RARB: variants seen among roughly 807,000 people sequenced by gnomAD.
The protein encoded by RARB is HBV-activated protein.
A neutral mutation model predicts 51.9 loss-of-function variants in RARB; 17 were observed. The observed-to-expected ratio is 0.33, with a 90% CI of 0.22 to 0.49. The LOEUF (loss-of-function observed/expected upper bound fraction) is 0.49, where lower values mean the gene tolerates loss of function less well. Ranked by LOEUF, RARB falls within the 20% of genes least tolerant of loss-of-function variation. The pLI is 0.99. For missense variants in RARB, 369 were observed against 550.8 expected, an observed-to-expected ratio of 0.67 and a Z score of 3.30; for synonymous variants, 215 against 195.4, an observed-to-expected ratio of 1.10 and a Z score of -0.84.
intron 5 of RARB, among the ~76,000 whole-genome samples, chr3:25,584,684 CCTT>C (rs1268281592): frequency 3.9e-5 from 6 of 152,136 alleles, no homozygotes; most frequent in Non-Finnish European, 4.4e-5. Flanking sequence ...CACAGATTCT[CCTT>C]CTTGGTATCC....
chr3:24,865,802 G>A (rs1417806591), intron 2 of RARB, among the ~76,000 whole-genome samples: 1 of 152,158 alleles, frequency 6.6e-6, no homozygotes, highest in African/African-American at 2.4e-5. Context: ...CAGCATGAAT[G>A]GGTGTTGATT....
chr3:24,844,802 A>G (rs1702466118), intron 1 of RARB, among the ~76,000 whole-genome samples: 1 of 152,120 alleles, frequency 6.6e-6, no homozygotes, highest in South Asian at 2.1e-4. Flanking sequence ...TTCCCCAGGG[A>G]GTTAGCACTC....
intron 5 of RARB, among the ~76,000 whole-genome samples, chr3:25,250,767 G>A (rs915032073): frequency 3.9e-5 from 6 of 152,154 alleles, no homozygotes; most frequent in Non-Finnish European, 7.4e-5. Context: ...ATGGAATCCA[G>A]TGTGAATTCC....
At chr3:25,405,276 T>C (rs1170180570) in intron 5 of RARB, among the ~76,000 whole-genome samples, 1 of 152,206 alleles carries the variant, frequency 6.6e-6, no homozygotes, top group East Asian at 1.9e-4. Flanking sequence ...CCCAGCACTT[T>C]GGGAGGCTGT....
chr3:24,858,520 G>C (rs1413801645), intron 1 of RARB, among the ~76,000 whole-genome samples: 1 of 152,204 alleles, frequency 6.6e-6, no homozygotes, highest in African/African-American at 2.4e-5. Context: ...TTTAGCAAAA[G>C]AACTTGGTAG....
At chr3:25,277,007 T>C (rs536511525) in intron 5 of RARB, among the ~76,000 whole-genome samples, 7 of 152,196 alleles carry the variant, frequency 4.6e-5, no homozygotes, top group Admixed American at 4.6e-4. Context: ...GATAGATGAA[T>C]GAATACTTGG....
At chr3:24,840,188 C>T (rs1702402138) in intron 1 of RARB, among the ~76,000 whole-genome samples, 1 of 152,172 alleles carries the variant, frequency 6.6e-6, no homozygotes, top group Non-Finnish European at 1.5e-5. Context: ...TGCTATGGTT[C>T]TTGTAACAAG....
intron 2 of RARB, among the ~76,000 whole-genome samples, chr3:24,907,542 G>A (rs187575676): frequency 4.6e-5 from 7 of 152,252 alleles, no homozygotes; most frequent in South Asian, 4.1e-4. Flanking sequence ...AAAGCATCCC[G>A]TGGATTTAGT....
At chr3:24,902,371 T>G (rs1239281308) in intron 2 of RARB, among the ~76,000 whole-genome samples, 1 of 152,126 alleles carries the variant, frequency 6.6e-6, no homozygotes. Flanking sequence ...ACCGTCAGAG[T>G]GATTTCACAT....
At chr3:25,149,918 C>G (rs1018179298) in intron 4 of RARB, among the ~76,000 whole-genome samples, 6 of 151,928 alleles carry the variant, frequency 3.9e-5, no homozygotes, top group Non-Finnish European at 5.9e-5. Context: ...TCTTAAATAT[C>G]TGGTCAGGCA....
intron 5 of RARB, among the ~76,000 whole-genome samples, chr3:25,184,573 G>T (rs915588574): frequency 4.6e-5 from 7 of 152,024 alleles, no homozygotes; most frequent in Non-Finnish European, 8.8e-5. Flanking sequence ...GAGAGAGGTG[G>T]CTGCTTCCAG....
intron 2 of RARB, among the ~76,000 whole-genome samples, chr3:24,953,973 A>G (rs1695954392): frequency 6.6e-6 from 1 of 151,972 alleles, no homozygotes; most frequent in Non-Finnish European, 1.5e-5. Context: ...TTCTTTTCTG[A>G]GCGCTCAGAT....
intron 3 of RARB, among the ~76,000 whole-genome samples, chr3:25,116,037 A>C (rs1699682154): frequency 6.6e-6 from 1 of 152,204 alleles, no homozygotes; most frequent in African/African-American, 2.4e-5. Flanking sequence ...TCTTGACAGC[A>C]TTCTATATTT....
At chr3:25,216,266 A>G (rs760047561) in intron 5 of RARB, among the ~76,000 whole-genome samples, 2 of 151,964 alleles carry the variant, frequency 1.3e-5, no homozygotes, top group Admixed American at 6.6e-5. Flanking sequence ...TTCATTTCTT[A>G]TTTTTTTCAT....
At chr3:24,931,820 C>G (rs1695446242) in intron 2 of RARB, among the ~76,000 whole-genome samples, 1 of 151,998 alleles carries the variant, frequency 6.6e-6, no homozygotes, top group African/African-American at 2.4e-5. Context: ...AGTAGGGGCT[C>G]AACAAGATTT....
intron 3 of RARB, among the ~76,000 whole-genome samples, chr3:25,533,557 A>G (rs1699013431): frequency 6.6e-6 from 1 of 152,200 alleles, no homozygotes. Context: ...GTGAGAAGTG[A>G]GGGAGGAGAT....
At chr3:25,592,680 C>T (rs1701657947) in intron 5 of RARB, among the ~76,000 whole-genome samples, 1 of 152,202 alleles carries the variant, frequency 6.6e-6, no homozygotes, top group South Asian at 2.1e-4. Context: ...GGTTATGTGT[C>T]AAGCATACAC....
At chr3:25,371,940 C>T (rs571518963) in intron 5 of RARB, among the ~76,000 whole-genome samples, 42 of 152,222 alleles carry the variant, frequency 2.8e-4, no homozygotes, top group Middle Eastern at 6.8e-3. Context: ...ATGGATTTGA[C>T]GTTGAACAGT....
At chr3:25,407,272 G>A (rs535728935) in intron 5 of RARB, among the ~76,000 whole-genome samples, 1 of 152,268 alleles carries the variant, frequency 6.6e-6, no homozygotes, top group Admixed American at 6.5e-5. Context: ...TAGGCAGCAT[G>A]GTAGTCAATA....
Sources: gnomAD v4.1 joint callset for allele counts (sites outside exome capture counted in the v4.1 genomes callset) on GRCh38, gnomAD v4.1.1 for gene constraint, MANE v1.5 for transcripts, NCBI Gene and HGNC (gene_info 2026-07-23, HGNC 2026-07-21) for gene names.